COL26A1: variants seen among roughly 807,000 people sequenced by gnomAD.
COL26A1 encodes collagen type XXVI alpha 1 chain.
In COL26A1, 41 loss-of-function variants were observed where a neutral mutation model predicts 59.3. The ratio of observed to expected loss-of-function variants is 0.69; its 90% CI spans 0.54 to 0.90. The LOEUF (loss-of-function observed/expected upper bound fraction) is 0.90, where lower values mean the gene tolerates loss of function less well. COL26A1 is among the 40% of genes least tolerant of loss of function. The pLI is 0.00. For missense variants in COL26A1, 612 were observed against 602.3 expected (o/e 1.02, Z -0.17); for synonymous variants, 266 against 256.0 (o/e 1.04, Z -0.37).
chr7:101,499,756 G>A (rs983588781), intron 3 of COL26A1, among the ~76,000 whole-genome samples: 1 of 151,338 alleles, frequency 6.6e-6, no homozygotes, highest in African/African-American at 2.4e-5. Flanking sequence ...ACATACCTGT[G>A]GTCCTAGCTA....
At chr7:101,442,633 C>T (rs1331287284) in intron 2 of COL26A1, among the ~76,000 whole-genome samples, 2 of 152,158 alleles carry the variant, frequency 1.3e-5, no homozygotes, top group Non-Finnish European at 2.9e-5. Flanking sequence ...GCGTGACTCC[C>T]CAGGCTCCTT....
At chr7:101,387,630 GCTCTCT>G (rs374185692) in intron 1 of COL26A1, among the ~76,000 whole-genome samples, 1 of 132,424 alleles carries the variant, frequency 7.6e-6, no homozygotes, top group African/African-American at 2.8e-5. Flanking sequence ...TCTCTCTCTC[GCTCTCT>G]CTCTCTCTCT....
chr7:101,419,947 G>C (rs1285508284), intron 1 of COL26A1, 30 bp from the exon 2 acceptor site: 4 of 1,610,612 alleles, frequency 2.5e-6, no homozygotes, highest in Non-Finnish European at 3.4e-6. Flanking sequence ...GGAACAGGCA[G>C]GGCTCATGTG....
intron 1 of COL26A1, among the ~76,000 whole-genome samples, chr7:101,370,740 C>T (rs115597651): frequency 3.3e-4 from 50 of 152,224 alleles, no homozygotes; most frequent in African/African-American, 1.1e-3. Context: ...CTTGTGGTTT[C>T]GTCTAAGCCA....
rs1040794819 is a variant in COL26A1, at chr7:101,478,273, G to A, written c.385+30486G>A. ...TGGGATTACAGGCATGAGCCGCCAC[G>A]CCCAGCTCATTGATATCTTTTAAGA... On this transcript the variant is annotated intron_variant, in intron 3 of 12. Transcript: ENST00000313669. Among the ~76,000 whole-genome samples, 48 of 152,268 alleles carry A rather than the reference G, an allele frequency of 3.2e-4. 1 individual carries two copies. The highest frequency in any genetic ancestry group is 1.0e-3 in the Admixed American group (16 of 15,290).
chr7:101,416,625 C>G lies in COL26A1; in HGVS notation c.159-3352C>G, dbSNP rs1290808538. ...TCTCCTTTTCTTTTTGCAGTGGCTA[C>G]TGGGAAAGGTCACAGCTTAGATTTG... On this transcript the variant is annotated intron_variant, in intron 1 of 12. Transcript: ENST00000313669. 1.4e-5 allele frequency among the ~76,000 whole-genome samples: 2 copies of G among 143,940 alleles called. 1 individual carries two copies. The highest frequency in any genetic ancestry group is 3.1e-5 in the Non-Finnish European group (2 of 63,566). 94.4% of individuals were successfully genotyped at this position (143,940 alleles called of 152,430 possible).
chr7:101,524,061 G>C (rs770176558), intron 3 of COL26A1, among the ~76,000 whole-genome samples: 3 of 152,052 alleles, frequency 2.0e-5, no homozygotes, highest in Non-Finnish European at 4.4e-5. Flanking sequence ...CTTTAGGTCA[G>C]GAGTTCGAGA....
chr7:101,433,483 C>T (rs1454960202), intron 2 of COL26A1, among the ~76,000 whole-genome samples: 1 of 151,876 alleles, frequency 6.6e-6, no homozygotes, highest in Non-Finnish European at 1.5e-5. Context: ...GAGGTGTTTC[C>T]AGAGGGAGGG....
chr7:101,466,825 TGTGTGTGTGTGTGA>T (rs1458076895), intron 3 of COL26A1, among the ~76,000 whole-genome samples: 2 of 128,174 alleles, frequency 1.6e-5, no homozygotes, highest in Admixed American at 1.6e-4. Context: ...TGTGTGTGTG[TGTGTGTGTGTGTGA>T]GAGAGAGAGA....
intron 3 of COL26A1, among the ~76,000 whole-genome samples, chr7:101,522,537 A>G (rs1795159121): frequency 6.6e-6 from 1 of 152,138 alleles, no homozygotes; most frequent in Admixed American, 6.5e-5. Flanking sequence ...TCCCATTTCC[A>G]CTAAGTCTAG....
intron 3 of COL26A1, among the ~76,000 whole-genome samples, chr7:101,477,134 G>A (rs1416833621): frequency 1.3e-5 from 2 of 152,096 alleles, no homozygotes; most frequent in African/African-American, 2.4e-5. Context: ...ATGAGCCACC[G>A]AGCCCGGCCT....
chr7:101,400,948 G>A (rs965653750), intron 1 of COL26A1, among the ~76,000 whole-genome samples: 3 of 152,156 alleles, frequency 2.0e-5, no homozygotes, highest in African/African-American at 4.8e-5. Flanking sequence ...GGGGAGATGC[G>A]GAGACGGGAG....
intron 1 of COL26A1, among the ~76,000 whole-genome samples, chr7:101,403,674 G>A (rs993269887): frequency 6.6e-6 from 1 of 152,200 alleles, no homozygotes; most frequent in East Asian, 1.9e-4. Flanking sequence ...ACCGTGCCCA[G>A]CCTAAACCAT....
intron 3 of COL26A1, among the ~76,000 whole-genome samples, chr7:101,473,822 G>A (rs1218085063): frequency 3.3e-5 from 5 of 151,554 alleles, no homozygotes; most frequent in South Asian, 2.1e-4. Flanking sequence ...CCACCAAACC[G>A]CAGCTGTGTG....
intron 1 of COL26A1, among the ~76,000 whole-genome samples, chr7:101,395,163 G>A (rs28432730): frequency 0.012 from 1,829 of 152,020 alleles, 39 homozygotes; most frequent in African/African-American, 0.042. Flanking sequence ...ATGAGCCACC[G>A]CGCCCAGCCC....
chr7:101,462,021 A>T, intron 3 of COL26A1, among the ~76,000 whole-genome samples: 1 of 131,434 alleles, frequency 7.6e-6, no homozygotes, highest in Admixed American at 8.2e-5. Flanking sequence ...TTTTTTTGAG[A>T]CGAAGTCTTG....
At chr7:101,367,709 C>G (rs1791083388) in intron 1 of COL26A1, among the ~76,000 whole-genome samples, 2 of 151,604 alleles carry the variant, frequency 1.3e-5, no homozygotes, top group Non-Finnish European at 2.9e-5. Flanking sequence ...AATCAGAGCT[C>G]TCTCTCTTTG....
chr7:101,493,538 C>T (rs952794267), intron 3 of COL26A1, among the ~76,000 whole-genome samples: 1 of 152,074 alleles, frequency 6.6e-6, no homozygotes, highest in African/African-American at 2.4e-5. Context: ...CCTGTAGACT[C>T]TTACTCAGAA....
intron 3 of COL26A1, among the ~76,000 whole-genome samples, chr7:101,458,637 G>A (rs1030043844): frequency 7.2e-6 from 1 of 138,946 alleles, no homozygotes; most frequent in African/African-American, 2.7e-5. Context: ...CAATGTGAGT[G>A]AAAACTCTGT....
Sources: allele counts gnomAD v4.1 joint callset (sites outside exome capture counted in the v4.1 genomes callset), GRCh38; gene constraint gnomAD v4.1.1; transcripts MANE v1.5; gene names NCBI Gene and HGNC (gene_info 2026-07-23, HGNC 2026-07-21).